BMPR1B: variants seen among roughly 807,000 people sequenced by gnomAD.
The protein encoded by BMPR1B is bone morphogenetic protein receptor type 1B.
A neutral mutation model predicts 59.1 loss-of-function variants in BMPR1B; 12 were observed. The observed-to-expected ratio is 0.20, with a 90% CI of 0.13 to 0.33. BMPR1B has a LOEUF of 0.33. BMPR1B is among the 10% of genes least tolerant of loss of function. The probability of loss-of-function intolerance (pLI) is 1.00; values close to 1 mark genes in which losing one functional copy is unlikely to be tolerated. For synonymous variants in BMPR1B, 237 were observed against 207.3 expected, an observed-to-expected ratio of 1.14 and a Z score of -1.23; for missense variants, 550 against 610.9, an observed-to-expected ratio of 0.90 and a Z score of 1.05.
At chr4:95,071,373 A>G (rs1389253511) in intron 3 of BMPR1B, among the ~76,000 whole-genome samples, 1 of 152,146 alleles carries the variant, frequency 6.6e-6, no homozygotes. Context: ...AAACTAAATT[A>G]AAACAAAAAT....
intron 1 of BMPR1B, among the ~76,000 whole-genome samples, chr4:94,760,290 G>A (rs1278531020): frequency 6.6e-6 from 1 of 152,108 alleles, no homozygotes; most frequent in African/African-American, 2.4e-5. Flanking sequence ...TGAGTGACGT[G>A]CTGCCACGGC....
Position 95,148,771 on chromosome 4 carries a change from C to G in BMPR1B, c.1100C>G (p.Pro367Arg), listed in dbSNP as rs1284054241. The G allele has an allele frequency of 2.0e-5, 32 of 1,613,764 alleles. No homozygotes were observed. Among genetic ancestry groups the G allele is most frequent in the Non-Finnish European group, 2.5e-5 (30 of 1,179,904 alleles). Residue 367 changes from proline to arginine, a missense_variant, in exon 11 of 13, where the codon CCA becomes CGA. By Grantham distance (103) the Pro-to-Arg change is moderately radical (BLOSUM62 -2). Transcript: ENST00000515059. ...FISDTNEVDI[P>R]PNTRVGTKRY... ...AGTGATACAAATGAAGTTGACATAC[C>G]ACCTAACACTCGAGTTGGCACCAAA...
At chr4:95,100,640 T>C (rs564659680) in intron 3 of BMPR1B, among the ~76,000 whole-genome samples, 218 of 152,222 alleles carry the variant, frequency 1.4e-3, no homozygotes, top group Non-Finnish European at 2.8e-3. Context: ...CTTTCCTCTG[T>C]TTTCTCAAGT....
intron 1 of BMPR1B, among the ~76,000 whole-genome samples, chr4:94,766,672 TTTATTA>T (rs900308019): frequency 2.0e-5 from 3 of 151,854 alleles, no homozygotes; most frequent in African/African-American, 4.8e-5. Context: ...TTTTTTTAAT[TTTATTA>T]TTATTATTAT....
chr4:94,769,473 G>A (rs1276479818), intron 1 of BMPR1B, among the ~76,000 whole-genome samples: 1 of 152,206 alleles, frequency 6.6e-6, no homozygotes, highest in East Asian at 1.9e-4. Context: ...AGCCAGGCGT[G>A]GTGGCACATG....
At chr4:94,906,045 T>C (rs1728027211) in intron 2 of BMPR1B, among the ~76,000 whole-genome samples, 1 of 151,918 alleles carries the variant, frequency 6.6e-6, no homozygotes, top group Non-Finnish European at 1.5e-5. Context: ...TAAGGTTTGT[T>C]CTGTTTTTGT....
At chr4:94,865,293 A>G (rs1471571730) in intron 1 of BMPR1B, among the ~76,000 whole-genome samples, 6 of 151,968 alleles carry the variant, frequency 3.9e-5, no homozygotes, top group South Asian at 4.1e-4. Context: ...TTATGGATAT[A>G]TTTTAGGTTA....
intron 3 of BMPR1B, among the ~76,000 whole-genome samples, chr4:95,075,889 A>C (rs141292902): frequency 2.4e-4 from 37 of 152,206 alleles, no homozygotes; most frequent in African/African-American, 8.9e-4. Context: ...CACAAGCCTG[A>C]TGTCCATTCT....
At chr4:94,918,582 A>G (rs1421872645) in intron 2 of BMPR1B, among the ~76,000 whole-genome samples, 2 of 152,068 alleles carry the variant, frequency 1.3e-5, no homozygotes, top group African/African-American at 2.4e-5. Flanking sequence ...AGACTGAGGC[A>G]GGAGGATCCC....
chr4:95,039,034 C>T lies in BMPR1B; in HGVS notation c.-18+42900C>T, dbSNP rs1459936394. 3.9e-5 allele frequency among the ~76,000 whole-genome samples: 6 copies of T among 152,070 alleles called. No homozygotes were observed. The East Asian group carries it at 5.8e-4, about 15-fold the overall frequency. ...TAACCACATAAGAGTTCTGACTAAC[C>T]GTAATAAGATGTGTAGAACAAGGTG... On this transcript the variant is annotated intron_variant, in intron 3 of 12. Coordinates refer to ENST00000515059, the MANE Select transcript of BMPR1B (RefSeq NM_001203.3).
chr4:94,954,631 C>G (rs564337059), intron 2 of BMPR1B, among the ~76,000 whole-genome samples: 1 of 152,282 alleles, frequency 6.6e-6, no homozygotes, highest in African/African-American at 2.4e-5. Context: ...TTTTATAACT[C>G]AGTCTTTCTA....
chr4:95,146,312 GTA>G (rs1734638548), intron 10 of BMPR1B, among the ~76,000 whole-genome samples: 1 of 152,156 alleles, frequency 6.6e-6, no homozygotes, highest in African/African-American at 2.4e-5. Flanking sequence ...ATCCTTGAGT[GTA>G]TGTTTTTGCA....
rs969098087 is a variant in BMPR1B at position 95,143,456 on chromosome 4, TCTCTCA to T, written c.1077-5291_1077-5286del. ...GTCTTTTAATTTTCTTGTCTCTCTC[TCTCTCA>T]AAGTCTTTCCCTTTGCTCCCCTTCC... is the stretch of plus-strand genomic sequence containing the variant. On this transcript the variant is annotated intron_variant, in intron 10 of 12. Coordinates refer to ENST00000515059, the MANE Select transcript of BMPR1B (RefSeq NM_001203.3). 3.3e-4 allele frequency among the ~76,000 whole-genome samples: 50 copies of T among 152,110 alleles called. 1 individual carries two copies. The highest frequency in any genetic ancestry group is 1.2e-3 in the African/African-American group (50 of 41,408).
At chr4:94,904,053 C>T (rs1232826952) in intron 2 of BMPR1B, among the ~76,000 whole-genome samples, 2 of 151,916 alleles carry the variant, frequency 1.3e-5, no homozygotes, top group African/African-American at 2.4e-5. Context: ...AGTAACATCT[C>T]CTTTATATCT....
intron 1 of BMPR1B, among the ~76,000 whole-genome samples, chr4:94,768,701 G>T (rs1222186218): frequency 1.3e-5 from 2 of 149,070 alleles, no homozygotes; most frequent in Non-Finnish European, 3.0e-5. Flanking sequence ...TTGGTATTTT[G>T]TAGGCATAGT....
chr4:94,947,092 A>G (rs1471523441), intron 2 of BMPR1B, among the ~76,000 whole-genome samples: 1 of 152,102 alleles, frequency 6.6e-6, no homozygotes, highest in East Asian at 1.9e-4. Flanking sequence ...ACAAACAAGA[A>G]AACCAAAAGG....
At chr4:95,096,265 A>G (rs1004245875) in intron 3 of BMPR1B, among the ~76,000 whole-genome samples, 15 of 151,814 alleles carry the variant, frequency 9.9e-5, no homozygotes, top group African/African-American at 3.6e-4. Context: ...GAGATTCCAT[A>G]GAAAACATGT....
At chr4:94,777,777 G>T (rs761713236) in intron 1 of BMPR1B, among the ~76,000 whole-genome samples, 2 of 152,110 alleles carry the variant, frequency 1.3e-5, no homozygotes, top group South Asian at 4.1e-4. Context: ...TGTAATCCCA[G>T]CACTTTGGGA....
intron 1 of BMPR1B, among the ~76,000 whole-genome samples, chr4:94,842,772 C>T (rs1725142801): frequency 1.3e-5 from 2 of 152,116 alleles, no homozygotes. Context: ...CCCAGGTTTC[C>T]TCTGTGATAA....
Sources: allele counts gnomAD v4.1 joint callset (sites outside exome capture counted in the v4.1 genomes callset), GRCh38; gene constraint gnomAD v4.1.1; transcripts MANE v1.5; gene names NCBI Gene and HGNC (gene_info 2026-07-23, HGNC 2026-07-21).